FAM120C: variants seen among roughly 807,000 people sequenced by gnomAD.
FAM120C encodes constitutive coactivator of PPAR-gamma-like protein 2.
Under a neutral mutation model 71.2 loss-of-function variants are expected in FAM120C, and 14 were observed. The observed-to-expected ratio is 0.20, with a 90% confidence interval of 0.13 to 0.31. The LOEUF (loss-of-function observed/expected upper bound fraction) is 0.31, where lower values mean the gene tolerates loss of function less well. Among genes scored for constraint, FAM120C ranks in the 10% least tolerant of loss-of-function variants. FAM120C has a pLI of 1.00. For synonymous variants in FAM120C, 354 were observed against 353.2 expected (o/e 1.00, Z -0.03); for missense variants, 500 against 879.0 (o/e 0.57, Z 5.45).
At chrX:54,107,527 AT>A (rs1271090680) in intron 10 of FAM120C, among the ~76,000 whole-genome samples, 5 of 105,109 alleles carry the variant, frequency 4.8e-5, no homozygotes, top group African/African-American at 6.9e-5. Context: ...CTTTAAAAAA[AT>A]TTTTTTTTTG....
chrX:54,090,021 T>C (rs2066816028), intron 11 of FAM120C, among the ~76,000 whole-genome samples: 1 of 110,425 alleles, frequency 9.1e-6, no homozygotes, highest in South Asian at 3.9e-4. Context: ...TTACATAGTA[T>C]CCTCACAAAC....
At chrX:54,097,442 T>TA (rs1557123469) in intron 10 of FAM120C, among the ~76,000 whole-genome samples, 1 of 111,305 alleles carries the variant, frequency 9.0e-6, no homozygotes, top group African/African-American at 3.3e-5. Flanking sequence ...TACCAGAAAA[T>TA]AAAAAAAGAG....
chrX:54,179,965 A>T (rs1557137135), intron 1 of FAM120C, among the ~76,000 whole-genome samples: 1 of 112,260 alleles, frequency 8.9e-6, no homozygotes, highest in Admixed American at 9.4e-5. Context: ...TTTACAGTGA[A>T]CATCTGAATA....
intron 1 of FAM120C, among the ~76,000 whole-genome samples, chrX:54,178,715 T>C (rs1557136956): frequency 8.9e-6 from 1 of 111,859 alleles, no homozygotes; most frequent in Non-Finnish European, 1.9e-5. Flanking sequence ...TTTCAGAATG[T>C]CTATGACTAA....
intron 10 of FAM120C, among the ~76,000 whole-genome samples, chrX:54,105,203 G>A (rs2066900691): frequency 1.8e-5 from 2 of 111,358 alleles, no homozygotes; most frequent in South Asian, 3.8e-4. Flanking sequence ...CAAAAACCTT[G>A]TCCACCACGA....
At chrX:54,108,645 T>C (rs959646947) in intron 10 of FAM120C, among the ~76,000 whole-genome samples, 2 of 111,025 alleles carry the variant, frequency 1.8e-5, no homozygotes, top group Non-Finnish European at 3.8e-5. Flanking sequence ...ACGTAGTACA[T>C]AATGGCCAGG....
chrX:54,081,373 C>A lies in FAM120C; in HGVS notation c.2927G>T (p.Gly976Val), dbSNP rs1224720886. 6.6e-6 allele frequency: 8 copies of A among 1,206,293 alleles called. No homozygotes were observed. The highest frequency in any genetic ancestry group is 8.9e-6 in the Non-Finnish European group (8 of 893,940). Residue 976 changes from glycine to valine, a missense_variant, in exon 14 of 16, where the codon GGC becomes GTC. By Grantham distance (109) the Gly-to-Val change is moderately radical. This residue lies in a region of FAM120C where 85 missense variants were observed against 96.1 expected (regional missense o/e 0.88). Coordinates refer to ENST00000375180, the MANE Select transcript of FAM120C (RefSeq NM_017848.6). ...GQWAGSRSSR[G>V]RGSFGMQVVS... Reference sequence around the variant, plus strand: ...CACTTGCATGCCGAAGGATCCTCGGCCCCTGGAGGATCTGCTGCCAGCCCA... The same window carrying A: ...CACTTGCATGCCGAAGGATCCTCGGACCCTGGAGGATCTGCTGCCAGCCCA...
chrX:54,143,055 C>T (rs1367133631), intron 4 of FAM120C, among the ~76,000 whole-genome samples: 6 of 111,654 alleles, frequency 5.4e-5, no homozygotes, highest in Non-Finnish European at 1.1e-4. Flanking sequence ...AACTAACAAA[C>T]GGAAAGGACA....
At chrX:54,081,596 A>C in intron 13 of FAM120C, 136 bp from the exon 14 acceptor site, 4 of 607,182 alleles carry the variant, frequency 6.6e-6, no homozygotes, top group Non-Finnish European at 7.3e-6. Flanking sequence ...AACATGGTGA[A>C]ACCCTGTCTC....
chrX:54,146,256 T>C (rs997602008), intron 4 of FAM120C, among the ~76,000 whole-genome samples: 6 of 110,537 alleles, frequency 5.4e-5, no homozygotes, highest in East Asian at 5.7e-4. Flanking sequence ...TGTATACATA[T>C]GCAACAAACC....
intron 9 of FAM120C, among the ~76,000 whole-genome samples, chrX:54,129,930 G>T (rs2067055530): frequency 9.1e-6 from 1 of 109,381 alleles, no homozygotes; most frequent in Admixed American, 9.7e-5. Context: ...TGAGGCAGGA[G>T]AATCAGGCAG....
Position 54,088,065 on chromosome X carries a change from C to G in FAM120C, c.2428-101G>C, listed in dbSNP as rs2066803608. On this transcript the variant is annotated intron_variant, in intron 11 of 15. Transcript: ENST00000375180. The stretch of plus-strand genomic sequence containing the variant: ...GCTGATTCTTCCAGTTAAATTTGAA[C>G]ATGCTGTCATTCAATGTAGACATCT... 6 of 690,381 alleles carry G rather than the reference C, an allele frequency of 8.7e-6. No individual in the cohort carries two copies. In the Admixed American group the frequency reaches 1.9e-4, roughly 22 times the overall value. 56.9% of individuals were successfully genotyped at this position (690,381 alleles called of 1,213,427 possible).
chrX:54,162,715 A>G (rs1310744252), intron 1 of FAM120C, among the ~76,000 whole-genome samples: 1 of 112,071 alleles, frequency 8.9e-6, no homozygotes, highest in Admixed American at 9.5e-5. Context: ...CTCGAGTAGC[A>G]AAGTAGTATT....
At chrX:54,140,333 T>G (rs1330702861) in intron 4 of FAM120C, among the ~76,000 whole-genome samples, 1 of 98,794 alleles carries the variant, frequency 1.0e-5, no homozygotes, top group Non-Finnish European at 2.1e-5. Context: ...AGGAAAGAAA[T>G]AATAGCTGGG....
chrX:54,092,611 A>T (rs2066830330), intron 10 of FAM120C, among the ~76,000 whole-genome samples: 1 of 110,954 alleles, frequency 9.0e-6, no homozygotes, highest in African/African-American at 3.3e-5. Context: ...AATAAAAAAG[A>T]AAGTAGACCA....
At chrX:54,100,188 A>G (rs2066874906) in intron 10 of FAM120C, among the ~76,000 whole-genome samples, 1 of 110,048 alleles carries the variant, frequency 9.1e-6, no homozygotes, top group South Asian at 3.9e-4. Flanking sequence ...TCTACAAAAG[A>G]TGTAAAAATT....
At chrX:54,105,543 T>TGGAAGTTCTGGCCAGGGCAATC (rs1557124732) in intron 10 of FAM120C, among the ~76,000 whole-genome samples, 1 of 111,752 alleles carries the variant, frequency 8.9e-6, no homozygotes, top group African/African-American at 3.3e-5. Flanking sequence ...AACATAGTGT[T>TGGAAGTTCTGGCCAGGGCAATC]GGAAGTTCTG....
chrX:54,164,803 T>C (rs1356345949), intron 1 of FAM120C, among the ~76,000 whole-genome samples: 2 of 111,964 alleles, frequency 1.8e-5, no homozygotes, highest in Non-Finnish European at 3.8e-5. Flanking sequence ...ATATGGTAGT[T>C]TTATTTTTAA....
chrX:54,117,998 C>T lies in FAM120C; in HGVS notation c.2063-1204G>A, dbSNP rs1051459342. 1.1e-4 allele frequency among the ~76,000 whole-genome samples: 12 copies of T among 110,782 alleles called. 1 individual carries two copies. The highest frequency in any genetic ancestry group is 7.7e-4 in the South Asian group (2 of 2,613). On this transcript the variant is annotated intron_variant, in intron 9 of 15. Coordinates refer to ENST00000375180, the MANE Select transcript of FAM120C (RefSeq NM_017848.6). ...CAGCACTTTGGGAGGCCGAGGCGGG[C>T]GGATCACCTGAGGTCAGGAGTTCGA...
Sources: gnomAD v4.1 joint callset for allele counts (sites outside exome capture counted in the v4.1 genomes callset) on GRCh38, gnomAD v4.1.1 for gene constraint, gnomAD v4.1.1 regional missense constraint, MANE v1.5 for transcripts, NCBI Gene and HGNC (gene_info 2026-07-23, HGNC 2026-07-21) for gene names.